Variants in HDLBP observed in about 807,000 individuals in gnomAD.
HDLBP encodes high density lipoprotein binding protein.
Under a neutral mutation model 137.3 loss-of-function variants are expected in HDLBP, and 30 were observed. That is an observed-to-expected ratio of 0.22 (90% CI 0.16 to 0.30). The LOEUF is 0.30. Ranked by LOEUF, HDLBP falls within the 10% of genes least tolerant of loss-of-function variation. The probability of loss-of-function intolerance (pLI) is 1.00; values close to 1 mark genes in which losing one functional copy is unlikely to be tolerated. For synonymous variants in HDLBP, 606 were observed against 596.0 expected (o/e 1.02, Z -0.24); for missense variants, 1,119 against 1,667.3 (o/e 0.67, Z 5.73).
chr2:241,237,175 T>C (rs1436709637), intron 20 of HDLBP, among the ~76,000 whole-genome samples: 1 of 151,996 alleles, frequency 6.6e-6, no homozygotes, highest in Non-Finnish European at 1.5e-5. Context: ...GCAGGGCTCA[T>C]CAGGGAAGGC....
At position 241,287,791 on chromosome 2, in the gene HDLBP, A is replaced by G. The variant is rs148297610; in HGVS notation, c.-102-19250T>C. ...ATATACATGTTTGTACATGCATAAG[A>G]CCTCTCTAGAAGGAAACTCAAGTCA... On this transcript the variant is annotated intron_variant, in intron 1 of 27. Coordinates refer to ENST00000310931, the MANE Select transcript of HDLBP (RefSeq NM_005336.6). Among the ~76,000 whole-genome samples the G allele has an allele frequency of 1.1e-4, 16 of 152,260 alleles. No individual in the cohort carries two copies. The East Asian group carries it at 2.9e-3, about 28-fold the overall frequency.
At position 241,311,185 on chromosome 2, in the gene HDLBP, T is replaced by C. The variant is rs898842142; in HGVS notation, c.-103+4385A>G. Among the ~76,000 whole-genome samples the C allele has an allele frequency of 1.7e-4, 26 of 151,806 alleles. 1 individual carries two copies. Among genetic ancestry groups the C allele is most frequent in the East Asian group, 1.9e-4 (1 of 5,194 alleles). On this transcript the variant is annotated intron_variant, in intron 1 of 27. Transcript: ENST00000310931. The stretch of plus-strand genomic sequence containing the variant: ...CCTTCAGGTTTCATGGAGGAAAACA[T>C]AGTCACACACAAAGGCTCTAAAAAT...
At chr2:241,258,309 T>C (rs938662484) in intron 5 of HDLBP, among the ~76,000 whole-genome samples, 2 of 129,580 alleles carry the variant, frequency 1.5e-5, no homozygotes, top group Admixed American at 2.0e-4. Flanking sequence ...ATCGCGCCAC[T>C]GCACTCCAGC....
At position 241,272,720 on chromosome 2, in the gene HDLBP, C is replaced by G. The variant is rs1181362201; in HGVS notation, c.-102-4179G>C. On this transcript the variant is annotated intron_variant, in intron 1 of 27. Coordinates refer to ENST00000310931, the MANE Select transcript of HDLBP (RefSeq NM_005336.6). This position sits in a 1 kb window ranked among gnomAD's most constrained non-coding sequence, Gnocchi z 5.6. ...CCCGGCAGCCCGCCCGCCCCGTCCG[C>G]CCGCCCGCCCAGGCCTCCCAGCCCC... 60 of 539,636 alleles carry G rather than the reference C, an allele frequency of 1.1e-4. No individual in the cohort carries two copies. The highest frequency in any genetic ancestry group is 1.4e-4 in the Non-Finnish European group (58 of 426,920). 33.4% of individuals were successfully genotyped at this position (539,636 alleles called of 1,614,324 possible).
rs200093185 is a variant in HDLBP at position 241,229,840 on chromosome 2, C to T, written c.3713G>A (p.Ser1238Asn). The change falls in exon 27 of 28, where the codon AGT becomes AAT. Residue 1238 changes from serine (S) to asparagine (N), a missense_variant. Physicochemically the swap from Ser to Asn is conservative, Grantham distance 46. Coordinates refer to ENST00000310931, the MANE Select transcript of HDLBP (RefSeq NM_005336.6). Reference sequence around the variant, plus strand: ...CAGAAGCCCGCATCTGACCTTCTCACTGCTGCTGGCGGTCCAGGGTGCGTC... The same window carrying T: ...CAGAAGCCCGCATCTGACCTTCTCATTGCTGCTGGCGGTCCAGGGTGCGTC... ...VRDAPWTASS[S>N]EKAPDMSSSE... The T allele has an allele frequency of 1.4e-6, 2 of 1,459,904 alleles. No homozygotes were observed. Among genetic ancestry groups the T allele is most frequent in the East Asian group, 5.9e-5 (2 of 33,944 alleles). The allele number at this position is 1,459,904 out of a possible 1,614,324, so 90.4% of individuals were successfully genotyped here. A position where few individuals can be genotyped will look rare whatever the true frequency, so the allele number is the denominator to read the frequency against.
chr2:241,256,925 C>G, intron 5 of HDLBP, 119 bp from the exon 6 acceptor site: 3 of 812,166 alleles, frequency 3.7e-6, no homozygotes, highest in Non-Finnish European at 6.0e-6. Context: ...GCAGCACCAA[C>G]TCATCCATTA....
Position 241,256,185 on chromosome 2 carries a change from T to C in HDLBP, c.872A>G (p.Lys291Arg). ...ATTTGCCTCCTCTAAATCGTGTACC[T>C]TCTCCTCATAAATCTTCTTGATGCG... ...VARIKKIYEEKKKKTTTIAVE... is the reference protein window; with the variant it reads ...VARIKKIYEERKKKTTTIAVE... Residue 291 changes from lysine to arginine, a missense_variant and splice_region_variant, in exon 7 of 28, where the codon AAG (lysine) becomes AGG (arginine). By Grantham distance (26) the Lys-to-Arg change is conservative. Transcript: ENST00000310931. The C allele has an allele frequency of 6.2e-7, 1 of 1,613,494 alleles. No homozygotes were observed. The highest frequency in any genetic ancestry group is 2.2e-5 in the East Asian group (1 of 44,876).
chr2:241,264,085 C>T (rs1034703364), intron 4 of HDLBP, among the ~76,000 whole-genome samples: 9 of 138,110 alleles, frequency 6.5e-5, no homozygotes, highest in East Asian at 4.0e-4. Context: ...AAAAACTGGC[C>T]GGGCGCGGTG....
chr2:241,315,079 G>C (rs1394046922), intron 1 of HDLBP: 4 of 152,014 alleles, frequency 2.6e-5, no homozygotes, highest in South Asian at 2.1e-4. Flanking sequence ...TCGTGGGCTC[G>C]CGGAGCACTC....
At chr2:241,234,025 C>A in intron 23 of HDLBP, 62 bp from the exon 24 acceptor site, 1 of 1,578,152 alleles carries the variant, frequency 6.3e-7, no homozygotes, top group East Asian at 2.2e-5. Context: ...TGACTCCATT[C>A]CCCTTCCACC....
Position 241,230,233 on chromosome 2 carries a change from G to C in HDLBP, c.3511C>G (p.Pro1171Ala). 1 of 1,610,900 alleles carries C rather than the reference G, an allele frequency of 6.2e-7. No homozygotes were observed. Among genetic ancestry groups the C allele is most frequent in the Non-Finnish European group, 8.5e-7 (1 of 1,177,556 alleles). ...AGCCCCGTCACAGTGACGCAGTTGGGGTCTGGGGCTCCGCTCTGTGGGAAG... is the reference window on the plus strand; with the variant it reads ...AGCCCCGTCACAGTGACGCAGTTGGCGTCTGGGGCTCCGCTCTGTGGGAAG... Reference protein sequence around the residue: ...IRFPQSGAPDPNCVTVTGLPE... With the variant: ...IRFPQSGAPDANCVTVTGLPE... Residue 1171 changes from proline (P) to alanine (A), a missense_variant, in exon 26 of 28, where the codon CCC becomes GCC. By Grantham distance (27) the Pro-to-Ala change is conservative. Transcript: ENST00000310931. This position sits in a 1 kb window ranked among gnomAD's most constrained non-coding sequence, Gnocchi z 5.0.
At chr2:241,254,696 G>A (rs1032190432) in intron 9 of HDLBP, among the ~76,000 whole-genome samples, 2 of 152,056 alleles carry the variant, frequency 1.3e-5, no homozygotes, top group African/African-American at 4.8e-5. Context: ...ATGTTAGCCA[G>A]GATGGTCTCG....
At chr2:241,244,617 T>C (rs948962986) in intron 16 of HDLBP, among the ~76,000 whole-genome samples, 4 of 152,152 alleles carry the variant, frequency 2.6e-5, no homozygotes, top group Admixed American at 2.0e-4. Flanking sequence ...AAAAAAATAC[T>C]TGCAGACATA....
chr2:241,264,074 A>T (rs1376327285), intron 4 of HDLBP, among the ~76,000 whole-genome samples: 2 of 138,894 alleles, frequency 1.4e-5, no homozygotes, highest in African/African-American at 4.9e-5. Flanking sequence ...TTAAAAATTT[A>T]AAAAACTGGC....
intron 23 of HDLBP, 47 bp downstream of exon 23, chr2:241,235,074 G>A (rs1166874749): frequency 1.2e-6 from 2 of 1,600,218 alleles, no homozygotes; most frequent in East Asian, 2.2e-5. Flanking sequence ...TGTGCCCAAA[G>A]CTGAGCACCA....
chr2:241,241,566 CAAAAAAAAAAAAAAAAAAAAAAAA>C (rs56864201), intron 17 of HDLBP, among the ~76,000 whole-genome samples: 27 of 31,472 alleles, frequency 8.6e-4, no homozygotes, highest in South Asian at 2.4e-3. Context: ...GACTCCGTCT[CAAAAAAAAAAAAAAAAAAAAAAAA>C]AAAAAAAAAA....
chr2:241,279,837 G>C (rs1160156947), intron 1 of HDLBP: 2 of 853,104 alleles, frequency 2.3e-6, no homozygotes, highest in Non-Finnish European at 1.4e-6. Context: ...TGCACTGCTA[G>C]TAATAGTCAA....
At position 241,233,917 on chromosome 2, in the gene HDLBP, T is replaced by C; in HGVS notation, c.3191A>G (p.His1064Arg). ...KLSVTVDPKYHPKIIGRKGAV... is the reference protein window; with the variant it reads ...KLSVTVDPKYRPKIIGRKGAV... Reference sequence around the variant, plus strand: ...CCCCTTTCTCCCGATAATCTTGGGATGGTATTTGGGGTCTACAGTGACACT... The same window carrying C: ...CCCCTTTCTCCCGATAATCTTGGGACGGTATTTGGGGTCTACAGTGACACT... The change falls in exon 24 of 28, where the codon CAT (histidine) becomes CGT (arginine). Residue 1064 changes from histidine (H) to arginine (R), a missense_variant. His to Arg is a conservative substitution (Grantham distance 29). This residue lies in a region of HDLBP where 618 missense variants were observed against 816.7 expected (regional missense o/e 0.76). Transcript: ENST00000310931. The surrounding 1 kb of genome is among the most constrained non-coding windows in gnomAD (Gnocchi z 4.3). 1 of 1,614,034 alleles carries C rather than the reference T, an allele frequency of 6.2e-7. No homozygotes were observed. Among genetic ancestry groups the C allele is most frequent in the Non-Finnish European group, 8.5e-7 (1 of 1,179,896 alleles).
At chr2:241,301,767 TTTTG>T (rs951191022) in intron 1 of HDLBP, among the ~76,000 whole-genome samples, 13 of 151,840 alleles carry the variant, frequency 8.6e-5, no homozygotes, top group African/African-American at 3.1e-4. Flanking sequence ...TTTCCTTTCG[TTTTG>T]TTTTTTTTTT....
Sources: allele counts gnomAD v4.1 joint callset (sites outside exome capture counted in the v4.1 genomes callset), GRCh38; gene constraint gnomAD v4.1.1; regional missense constraint gnomAD v4.1.1; non-coding constraint Gnocchi (gnomAD v3.1); transcripts MANE v1.5; gene names NCBI Gene and HGNC (gene_info 2026-07-23, HGNC 2026-07-21).